The following PHLPP1 variants were observed in gnomAD, a reference collection of about 807,000 sequenced individuals.
PHLPP1 encodes the protein PH domain leucine-rich repeat-containing protein phosphatase 1.
A neutral mutation model predicts 117.2 loss-of-function variants in PHLPP1; 42 were observed. The ratio of observed to expected loss-of-function variants is 0.36; its 90% confidence interval spans 0.28 to 0.46. The LOEUF is 0.46. Among genes scored for constraint, PHLPP1 ranks in the 20% least tolerant of loss-of-function variants. PHLPP1 has a pLI of 1.00. For synonymous variants in PHLPP1, 1,042 were observed against 970.7 expected, an observed-to-expected ratio of 1.07 and a Z score of -1.37; for missense variants, 2,084 against 2,241.9, an observed-to-expected ratio of 0.93 and a Z score of 1.42.
intron 15 of PHLPP1, among the ~76,000 whole-genome samples, chr18:62,974,526 G>A (rs1290726998): frequency 6.6e-6 from 1 of 152,162 alleles, no homozygotes; most frequent in East Asian, 1.9e-4. Flanking sequence ...TACCACTCAG[G>A]AACAGCAGGG....
intron 1 of PHLPP1, among the ~76,000 whole-genome samples, chr18:62,761,907 C>T (rs1912255627): frequency 6.6e-6 from 1 of 151,974 alleles, no homozygotes; most frequent in South Asian, 2.1e-4. Flanking sequence ...CCGCACTGGT[C>T]CTCTGTAAGC....
Position 62,857,704 on chromosome 18 carries a change from G to A in PHLPP1, c.1900-2731G>A, listed in dbSNP as rs561027331. Among the ~76,000 whole-genome samples, 54 of 152,308 alleles carry A rather than the reference G, an allele frequency of 3.5e-4. No individual in the cohort carries two copies. The South Asian group carries it at 9.3e-3, about 26-fold the overall frequency. ...CTCTGGGAATCCTTTTCTGACCCCT[G>A]GGATTCTGTTCTGTGTCCTTGCACT... is the stretch of plus-strand genomic sequence containing the variant. On this transcript the variant is annotated intron_variant, in intron 3 of 16. Coordinates refer to ENST00000262719, the MANE Select transcript of PHLPP1 (RefSeq NM_194449.4).
intron 2 of PHLPP1, among the ~76,000 whole-genome samples, chr18:62,831,816 C>G (rs540609459): frequency 1.3e-5 from 2 of 152,310 alleles, no homozygotes; most frequent in East Asian, 1.9e-4. Flanking sequence ...TTTTTCCTCT[C>G]TATTCTAGTT....
chr18:62,834,610 A>G (rs1437033051), intron 2 of PHLPP1, among the ~76,000 whole-genome samples: 1 of 152,198 alleles, frequency 6.6e-6, no homozygotes, highest in Non-Finnish European at 1.5e-5. Context: ...GGGTCGATGT[A>G]CCATTTTGCA....
chr18:62,961,705 T>G (rs1295807154), intron 13 of PHLPP1, among the ~76,000 whole-genome samples: 1 of 152,186 alleles, frequency 6.6e-6, no homozygotes, highest in Non-Finnish European at 1.5e-5. Context: ...ATGCCTCTTT[T>G]ATTTATAGAA....
intron 3 of PHLPP1, among the ~76,000 whole-genome samples, chr18:62,842,456 C>T (rs1016616223): frequency 6.6e-6 from 1 of 151,970 alleles, no homozygotes; most frequent in Non-Finnish European, 1.5e-5. Context: ...CTCCATCTCC[C>T]GGGTTCAAGC....
rs577243907 is a variant in PHLPP1, at chr18:62,830,124, C to T, written c.1666C>T (p.Arg556Ter). 4.3e-6 allele frequency: 7 copies of T among 1,612,222 alleles called. No homozygotes were observed. The highest frequency in any genetic ancestry group is 1.3e-5 in the African/African-American group (1 of 75,010). The change falls in exon 2 of 17, where the codon CGA becomes TGA. Residue 556 changes from arginine to a stop codon, truncating the protein, a stop_gained. Coordinates refer to ENST00000262719, the MANE Select transcript of PHLPP1 (RefSeq NM_194449.4). LOFTEE classifies it high-confidence loss of function. ...RKGKMQLPVN[R>*]WTRRQVILCG... is the part of the protein sequence containing the mutation. Reference sequence around the variant, plus strand: ...AGGCAAGATGCAGTTGCCAGTGAACCGATGGACAAGACGCCAAGTCATCCT... The same window carrying T: ...AGGCAAGATGCAGTTGCCAGTGAACTGATGGACAAGACGCCAAGTCATCCT...
intron 1 of PHLPP1, among the ~76,000 whole-genome samples, chr18:62,756,443 CAG>C (rs1912022420): frequency 6.6e-6 from 1 of 152,184 alleles, no homozygotes; most frequent in East Asian, 1.9e-4. Context: ...CTTAAATAAT[CAG>C]GGGATTATTA....
At chr18:62,735,959 C>T (rs908090553) in intron 1 of PHLPP1, among the ~76,000 whole-genome samples, 2 of 149,978 alleles carry the variant, frequency 1.3e-5, no homozygotes, top group South Asian at 2.1e-4. Flanking sequence ...AATAATAATA[C>T]ATAAAAAATT....
At chr18:62,976,343 T>C (rs1360213507) in intron 16 of PHLPP1, among the ~76,000 whole-genome samples, 1 of 152,124 alleles carries the variant, frequency 6.6e-6, no homozygotes, top group African/African-American at 2.4e-5. Context: ...GTGGTGTGTG[T>C]GTTTGGAGGG....
intron 12 of PHLPP1, among the ~76,000 whole-genome samples, chr18:62,956,464 A>G (rs1910613439): frequency 6.6e-6 from 1 of 152,188 alleles, no homozygotes; most frequent in Non-Finnish European, 1.5e-5. Context: ...CATATGATGA[A>G]AATTTGTTGG....
At chr18:62,947,121 A>G (rs1910318946) in intron 12 of PHLPP1, among the ~76,000 whole-genome samples, 1 of 152,226 alleles carries the variant, frequency 6.6e-6, no homozygotes, top group Admixed American at 6.5e-5. Context: ...TAACTTTCAC[A>G]TTGAGGAAGA....
chr18:62,755,988 C>CG (rs1912004242), intron 1 of PHLPP1, among the ~76,000 whole-genome samples: 1 of 148,202 alleles, frequency 6.7e-6, no homozygotes. Flanking sequence ...TTGTTCCCCC[C>CG]CCCCTTCAAT....
At chr18:62,747,239 G>C (rs147428645) in intron 1 of PHLPP1, among the ~76,000 whole-genome samples, 1 of 146,324 alleles carries the variant, frequency 6.8e-6, no homozygotes, top group Non-Finnish European at 1.5e-5. Context: ...CTAAGGTCAG[G>C]TGCTTAGCTT....
chr18:62,760,238 T>G (rs1241350462), intron 1 of PHLPP1, among the ~76,000 whole-genome samples: 1 of 152,148 alleles, frequency 6.6e-6, no homozygotes, highest in Non-Finnish European at 1.5e-5. Flanking sequence ...CAGGCCCACA[T>G]TCCTGCATGA....
At chr18:62,897,179 GATGATTTCTGA>G (rs1287687639) in intron 6 of PHLPP1, among the ~76,000 whole-genome samples, 1 of 152,206 alleles carries the variant, frequency 6.6e-6, no homozygotes, top group Admixed American at 6.5e-5. Flanking sequence ...GTAAGAATGA[GATGATTTCTGA>G]GTTACCTGGT....
chr18:62,896,721 T>TC (rs1916572796), intron 6 of PHLPP1, among the ~76,000 whole-genome samples: 1 of 152,122 alleles, frequency 6.6e-6, no homozygotes, highest in Admixed American at 6.6e-5. Flanking sequence ...TGCCTCAGCC[T>TC]CCCAAGTACT....
chr18:62,758,036 G>C (rs1416885799), intron 1 of PHLPP1, among the ~76,000 whole-genome samples: 4 of 152,200 alleles, frequency 2.6e-5, no homozygotes, highest in Admixed American at 6.5e-5. Flanking sequence ...TGTGGTAGAG[G>C]CAGCATGCAT....
At chr18:62,933,839 A>G (rs895695864) in intron 10 of PHLPP1, among the ~76,000 whole-genome samples, 6 of 152,194 alleles carry the variant, frequency 3.9e-5, no homozygotes, top group Non-Finnish European at 8.8e-5. Context: ...AATATTTGCA[A>G]ACTATGCAAC....
Sources: allele counts gnomAD v4.1 joint callset (sites outside exome capture counted in the v4.1 genomes callset), GRCh38; gene constraint gnomAD v4.1.1; transcripts MANE v1.5; gene names NCBI Gene and HGNC (gene_info 2026-07-23, HGNC 2026-07-21).